Variants in USP24 observed in about 807,000 individuals in gnomAD.
USP24 encodes the protein ubiquitin specific peptidase 24.
In USP24, 97 loss-of-function variants were observed where a neutral mutation model predicts 361.6. That is an observed-to-expected ratio of 0.27 (90% CI 0.23 to 0.32). The LOEUF is 0.32. Ranked by LOEUF, USP24 falls within the 10% of genes least tolerant of loss-of-function variation. The pLI, the probability that USP24 is intolerant of heterozygous loss-of-function variation, is 1.00. For synonymous variants in USP24, 1,098 were observed against 1,124.6 expected (o/e 0.98, Z 0.47); for missense variants, 2,353 against 3,165.6 (o/e 0.74, Z 6.16).
At chr1:55,111,483 T>C (rs2100554270) in intron 38 of USP24, among the ~76,000 whole-genome samples, 1 of 152,218 alleles carries the variant, frequency 6.6e-6, no homozygotes, top group African/African-American at 2.4e-5. Context: ...TAAACATTTA[T>C]ACTGAAGAAT....
intron 32 of USP24, 66 bp from the exon 33 acceptor site, chr1:55,125,824 A>T (rs920181439): frequency 7.5e-7 from 1 of 1,340,708 alleles, no homozygotes; most frequent in East Asian, 2.5e-5. Context: ...TAAATTTTCC[A>T]TAAGTAATGT....
Position 55,151,799 on chromosome 1 carries a change from A to G in USP24, c.1860+2071T>C, listed in dbSNP as rs902395230. The G allele has an allele frequency of 4.1e-6, 3 of 740,336 alleles. No homozygotes were observed. In the Admixed American group the frequency reaches 1.9e-4, roughly 46 times the overall value. The allele number at this position is 740,336 out of a possible 1,614,324, so 45.9% of individuals were successfully genotyped here. A position where few individuals can be genotyped will look rare whatever the true frequency, so the allele number is the denominator to read the frequency against. On this transcript the variant is annotated intron_variant, in intron 16 of 67. Transcript: ENST00000294383. ...CAAGGCCAGAATTTCTGAACACAAC[A>G]GTGGAACTTGGGAATTTTAAGAGTA... is the stretch of plus-strand genomic sequence containing the variant.
chr1:55,113,148 T>C (rs1646004306), intron 38 of USP24, among the ~76,000 whole-genome samples: 1 of 146,882 alleles, frequency 6.8e-6, no homozygotes, highest in South Asian at 2.1e-4. Flanking sequence ...GCCAGATTAA[T>C]AAAGAAGAAA....
intron 38 of USP24, among the ~76,000 whole-genome samples, chr1:55,116,780 T>C (rs544408362): frequency 6.6e-6 from 1 of 151,998 alleles, no homozygotes; most frequent in African/African-American, 2.4e-5. Context: ...ATTTAAAGAA[T>C]TACCACCAAG....
In USP24 at chr1:55,157,047, G is replaced by A. The variant is rs749588292; in HGVS notation, c.1347C>T (p.Asn449=). The change falls in exon 12 of 68, where the codon AAC becomes AAT. Residue 449 remains asparagine, a synonymous_variant. Coordinates refer to ENST00000294383, the MANE Select transcript of USP24 (RefSeq NM_015306.3). ...NSVLSIALEG[N]IDQAQYCDRI... ...GGTCACAGTATTGTGCTTGGTCTAT[G>A]TTGCCTAATTGAAGAAACATGAGAG... 2.5e-6 allele frequency: 4 copies of A among 1,611,326 alleles called. No homozygotes were observed. The highest frequency in any genetic ancestry group is 1.7e-4 in the Middle Eastern group (1 of 6,038).
intron 1 of USP24, among the ~76,000 whole-genome samples, chr1:55,186,369 T>C (rs1322291732): frequency 4.6e-5 from 7 of 151,532 alleles, no homozygotes; most frequent in Admixed American, 4.6e-4. Flanking sequence ...ACTATGGAGG[T>C]TTCTCAAAAA....
rs1416583296 is a variant in USP24 at position 55,074,064 on chromosome 1, A to G, written c.7448-158T>C. Among the ~76,000 whole-genome samples, 3 of 151,464 alleles carry G rather than the reference A, an allele frequency of 2.0e-5. No homozygotes were observed. The East Asian group carries it at 5.8e-4, about 29-fold the overall frequency. ...GCATGGTGGTGCCTGACTCAACAGA[A>G]TCCCTAAATTCTAATGGGTGGAAAC... On this transcript the variant is annotated intron_variant, in intron 63 of 67. Transcript: ENST00000294383.
intron 1 of USP24, among the ~76,000 whole-genome samples, chr1:55,204,064 GCA>G (rs1644644105): frequency 6.6e-6 from 1 of 152,106 alleles, no homozygotes; most frequent in Non-Finnish European, 1.5e-5. Context: ...CCAAGTTTTA[GCA>G]CAGTTCATTC....
At chr1:55,159,833 C>T in intron 8 of USP24, 148 bp from the exon 9 acceptor site, 1 of 648,830 alleles carries the variant, frequency 1.5e-6, no homozygotes, top group Non-Finnish European at 2.6e-6. Context: ...CTAGCTAATA[C>T]TGCCAAATAA....
rs1043869957 is a variant in USP24 at position 55,191,352 on chromosome 1, A to G, written c.325-13220T>C. Among the ~76,000 whole-genome samples the G allele has an allele frequency of 1.1e-4, 17 of 152,190 alleles. 1 individual carries two copies. Among genetic ancestry groups the G allele is most frequent in the Non-Finnish European group, 1.6e-4 (11 of 68,034 alleles). On this transcript the variant is annotated intron_variant, in intron 1 of 67. Transcript: ENST00000294383. Reference sequence around the variant, plus strand: ...ACAAATACAAATGAAAATATAAACAAGTCTCTGTAACTGCCATAATGCTTT... The same window carrying G: ...ACAAATACAAATGAAAATATAAACAGGTCTCTGTAACTGCCATAATGCTTT...
intron 9 of USP24, 96 bp from the exon 10 acceptor site, chr1:55,159,132 G>T: frequency 8.9e-7 from 1 of 1,117,716 alleles, no homozygotes; most frequent in Non-Finnish European, 1.2e-6. Flanking sequence ...GGTAACAGTG[G>T]TCTGGCAGTA....
Position 55,146,094 on chromosome 1 carries a change from A to G in USP24, c.2266T>C (p.Phe756Leu). The change falls in exon 20 of 68, where the codon TTT becomes CTT. Residue 756 changes from phenylalanine to leucine, a missense_variant. By Grantham distance (22) the Phe-to-Leu change is conservative. Around this residue, in one of 8 missense-constraint regions of USP24, gnomAD observed 949 missense variants for 1,280.5 expected, o/e 0.74. Transcript: ENST00000294383. The part of the protein sequence containing the change: ...ELDREMCFEW[F>L]TKGQHDLESD... ...TCAAGATCATGCTGTCCTTTTGTAA[A>G]CCATTCAAAACACATCTGTGGAATA... 6.2e-7 allele frequency: 1 copy of G among 1,612,662 alleles called. No individual in the cohort carries two copies. Among genetic ancestry groups the G allele is most frequent in the Non-Finnish European group, 8.5e-7 (1 of 1,179,168 alleles).
At chr1:55,156,542 C>T (rs2100748985) in intron 12 of USP24, among the ~76,000 whole-genome samples, 1 of 151,984 alleles carries the variant, frequency 6.6e-6, no homozygotes. Flanking sequence ...TCTTGACAGT[C>T]CTAGTAAGAT....
chr1:55,111,355 C>T (rs17111640), intron 38 of USP24, among the ~76,000 whole-genome samples: 4,439 of 152,150 alleles, frequency 0.029, 157 homozygotes, highest in African/African-American at 0.082. Context: ...CTAATGCTTT[C>T]TGCTTCTTTC....
chr1:55,168,620 G>A (rs79664811), intron 5 of USP24, among the ~76,000 whole-genome samples: 1,844 of 152,104 alleles, frequency 0.012, 31 homozygotes, highest in African/African-American at 0.042. Context: ...ACGCAAAGCT[G>A]GAACTAAAGG....
intron 30 of USP24, 116 bp from the exon 31 acceptor site, chr1:55,132,816 C>T (rs567249639): frequency 6.7e-6 from 7 of 1,047,988 alleles, no homozygotes; most frequent in Middle Eastern, 2.3e-4. Context: ...CACACCAATG[C>T]TATTTTCTAA....
rs771010698 is a variant in USP24, at chr1:55,107,401, G to C, written c.4600C>G (p.Pro1534Ala). Residue 1534 changes from proline (P) to alanine (A), a missense_variant, in exon 40 of 68, where the codon CCA (proline) becomes GCA (alanine). By Grantham distance (27) the Pro-to-Ala change is conservative. Transcript: ENST00000294383. Reference protein sequence around the residue: ...TSEMEQLRISPATMLEDEITW... With the variant: ...TSEMEQLRISAATMLEDEITW... ...ATCTCATCTTCAAGCATCGTAGCTGGGCTGATCCTTAACTGCTCCATTTCT... is the reference window on the plus strand; with the variant it reads ...ATCTCATCTTCAAGCATCGTAGCTGCGCTGATCCTTAACTGCTCCATTTCT... 3 of 1,611,700 alleles carry C rather than the reference G, an allele frequency of 1.9e-6. No homozygotes were observed. The highest frequency in any genetic ancestry group is 2.5e-6 in the Non-Finnish European group (3 of 1,178,938).
chr1:55,125,685 A>G lies in USP24; in HGVS notation c.3709T>C (p.Ser1237Pro). The change falls in exon 33 of 68, where the codon TCC (serine) becomes CCC (proline). Residue 1237 changes from serine to proline, a missense_variant. Ser to Pro is a moderately conservative substitution (Grantham distance 74). This residue lies in a region of USP24 where 949 missense variants were observed against 1,280.5 expected (regional missense o/e 0.74). Coordinates refer to ENST00000294383, the MANE Select transcript of USP24 (RefSeq NM_015306.3). ...TACCTTGCAAGCTGTAGACAGATGGAATAAACACCCTGCCTTGTTTCATAG... is the reference window on the plus strand; with the variant it reads ...TACCTTGCAAGCTGTAGACAGATGGGATAAACACCCTGCCTTGTTTCATAG... ...VDYETRQGVYSICLQLARFLL... is the reference protein window; with the variant it reads ...VDYETRQGVYPICLQLARFLL... 1 of 1,596,418 alleles carries G rather than the reference A, an allele frequency of 6.3e-7. No individual in the cohort carries two copies. Among genetic ancestry groups the G allele is most frequent in the Non-Finnish European group, 8.5e-7 (1 of 1,170,568 alleles).
At chr1:55,207,713 T>C (rs1485026845) in intron 1 of USP24, among the ~76,000 whole-genome samples, 5 of 152,234 alleles carry the variant, frequency 3.3e-5, no homozygotes, top group Admixed American at 2.6e-4. Flanking sequence ...GGTGGTATCC[T>C]GGAACCAGCC....
Sources: gnomAD v4.1 joint callset for allele counts (sites outside exome capture counted in the v4.1 genomes callset) on GRCh38, gnomAD v4.1.1 for gene constraint, gnomAD v4.1.1 regional missense constraint, MANE v1.5 for transcripts, NCBI Gene and HGNC (gene_info 2026-07-23, HGNC 2026-07-21) for gene names.